Variants in MYBPC1 observed in about 807,000 individuals in gnomAD.
MYBPC1 encodes myosin-binding protein C, slow-type.
A neutral mutation model predicts 147.1 loss-of-function variants in MYBPC1; 52 were observed. That is an observed-to-expected ratio of 0.35 (90% CI 0.28 to 0.45). The LOEUF is 0.45. Ranked by LOEUF, MYBPC1 falls within the 20% of genes least tolerant of loss-of-function variation. The pLI, the probability that MYBPC1 is intolerant of heterozygous loss-of-function variation, is 1.00. For synonymous variants in MYBPC1, 477 were observed against 475.9 expected (o/e 1.00, Z -0.03); for missense variants, 1,228 against 1,440.3 (o/e 0.85, Z 2.39).
At position 101,653,299 on chromosome 12, in the gene MYBPC1, C is replaced by T. The variant is rs1490045417; in HGVS notation, c.1767+51C>T. On this transcript the variant is annotated intron_variant, in intron 18 of 31. Coordinates refer to ENST00000361466, the MANE Select transcript of MYBPC1 (RefSeq NM_002465.4). ...ACATGCACACACACATATGCAGACA[C>T]ACTGCCTACCCCACCCCTTGCCCTC... 4 of 1,603,166 alleles carry T rather than the reference C, an allele frequency of 2.5e-6. No individual in the cohort carries two copies. The South Asian group carries it at 4.4e-5, about 18-fold the overall frequency.
At chr12:101,619,922 G>T (rs1243262557) in intron 3 of MYBPC1, among the ~76,000 whole-genome samples, 1 of 152,192 alleles carries the variant, frequency 6.6e-6, no homozygotes, top group East Asian at 1.9e-4. Flanking sequence ...GCCACAGAGA[G>T]TAGATTCTAG....
chr12:101,680,292 A>G (rs1223329698), intron 28 of MYBPC1, 51 bp from the exon 29 acceptor site: 8 of 1,544,824 alleles, frequency 5.2e-6, no homozygotes, highest in Non-Finnish European at 7.1e-6. Context: ...GTCTATTAAT[A>G]TGCCAATTAC....
intron 11 of MYBPC1, among the ~76,000 whole-genome samples, chr12:101,643,338 T>C (rs1019177634): frequency 2.6e-5 from 4 of 152,198 alleles, no homozygotes; most frequent in Non-Finnish European, 5.9e-5. Context: ...TTTTAGTTTA[T>C]GTAGTTCAGC....
rs78379139 is a variant in MYBPC1, at chr12:101,625,134, T to G, written c.104-1738T>G. On this transcript the variant is annotated intron_variant, in intron 3 of 31. Coordinates refer to ENST00000361466, the MANE Select transcript of MYBPC1 (RefSeq NM_002465.4). ...ATCACTGTGATAGAATGTGGGCTTT[T>G]TCAAGGATGAAGACACAAGTCTTAA... Among the ~76,000 whole-genome samples, 152 of 152,198 alleles carry G rather than the reference T, an allele frequency of 1.0e-3. 1 individual carries two copies. The highest frequency in any genetic ancestry group is 3.4e-3 in the African/African-American group (142 of 41,506).
chr12:101,643,740 CT>C (rs887495068), intron 11 of MYBPC1, among the ~76,000 whole-genome samples: 8 of 151,164 alleles, frequency 5.3e-5, no homozygotes, highest in African/African-American at 7.3e-5. Context: ...TCAAAGACAA[CT>C]TTTTTTTTAA....
At chr12:101,686,041 C>T, downstream of MYBPC1, 1 of 156,472 alleles carries the variant, frequency 6.4e-6, no homozygotes, top group Non-Finnish European at 1.4e-5. Context: ...ACGACTGGAT[C>T]TTGAAAACCC....
intron 1 of MYBPC1, among the ~76,000 whole-genome samples, chr12:101,608,999 T>C (rs747128861): frequency 2.6e-5 from 4 of 152,048 alleles, no homozygotes; most frequent in Non-Finnish European, 5.9e-5. Context: ...AAGCGGCTTT[T>C]GTGCAGGGAG....
At chr12:101,635,289 T>A (rs1890765394) in intron 9 of MYBPC1, among the ~76,000 whole-genome samples, 1 of 152,154 alleles carries the variant, frequency 6.6e-6, no homozygotes. Flanking sequence ...AATTATTCCA[T>A]AATATAAATT....
At chr12:101,688,679 G>A (rs747444099), downstream of MYBPC1, among the ~76,000 whole-genome samples, 1 of 140,028 alleles carries the variant, frequency 7.1e-6, no homozygotes, top group Non-Finnish European at 1.6e-5. Flanking sequence ...AGGTACTTGA[G>A]GCTGGGTGTG....
At chr12:101,601,325 T>C (rs1879845685) in intron 1 of MYBPC1, among the ~76,000 whole-genome samples, 1 of 152,220 alleles carries the variant, frequency 6.6e-6, no homozygotes, top group African/African-American at 2.4e-5. Flanking sequence ...GGCTCAGTTT[T>C]AATTTACAAA....
intron 2 of MYBPC1, among the ~76,000 whole-genome samples, chr12:101,616,600 A>G (rs1341504775): frequency 6.6e-6 from 1 of 152,216 alleles, no homozygotes; most frequent in Non-Finnish European, 1.5e-5. Flanking sequence ...CTAAACTAAT[A>G]TGATCCCAAA....
rs1441932648 is a variant in MYBPC1, at chr12:101,659,729, C to G, written c.1825C>G (p.Leu609Val). The change falls in exon 19 of 32, where the codon CTG becomes GTG. Residue 609 changes from leucine (L) to valine (V), a missense_variant. Physicochemically the swap from Leu to Val is conservative, Grantham distance 32 (BLOSUM62 1). This residue lies in a region of MYBPC1 where 1,077 missense variants were observed against 1,314.2 expected (regional missense o/e 0.82). Coordinates refer to ENST00000361466, the MANE Select transcript of MYBPC1 (RefSeq NM_002465.4). ...AGAATCTTACCCTGATAGCAGCACT[C>G]TGGTCATTGATATAGCTGAAAGAGA... ...RTESYPDSST[L>V]VIDIAERDDS... is the part of the protein sequence containing the mutation. The G allele has an allele frequency of 1.9e-6, 3 of 1,614,134 alleles. No homozygotes were observed. The highest frequency in any genetic ancestry group is 2.2e-5 in the East Asian group (1 of 44,878).
chr12:101,608,603 C>T (rs1456456234), intron 1 of MYBPC1, among the ~76,000 whole-genome samples: 1 of 152,346 alleles, frequency 6.6e-6, no homozygotes, highest in Non-Finnish European at 1.5e-5. Context: ...TGCAACACAG[C>T]TAACCTTGTT....
At chr12:101,690,429 A>G (rs1951397084), downstream of MYBPC1, among the ~76,000 whole-genome samples, 1 of 152,208 alleles carries the variant, frequency 6.6e-6, no homozygotes, top group Admixed American at 6.5e-5. Context: ...ATGTCTAAAT[A>G]TAACTTAACC....
At position 101,647,851 on chromosome 12, in the gene MYBPC1, C is replaced by T. The variant is rs76922594; in HGVS notation, c.1091-194C>T. Among the ~76,000 whole-genome samples the T allele has an allele frequency of 2.8e-3, 425 of 152,322 alleles. 1 individual carries two copies. The highest frequency in any genetic ancestry group is 7.8e-3 in the African/African-American group (326 of 41,564). On this transcript the variant is annotated intron_variant, in intron 13 of 31. Transcript: ENST00000361466. Reference sequence around the variant, plus strand: ...ACATTAAGCCAAGATCACGCCACTACACCTCAGCCTGGACAGCAGAGTGAG... The same window carrying T: ...ACATTAAGCCAAGATCACGCCACTATACCTCAGCCTGGACAGCAGAGTGAG...
chr12:101,664,143 C>A (rs2056724), intron 22 of MYBPC1, among the ~76,000 whole-genome samples: 102,753 of 151,944 alleles, frequency 0.68, 35,552 homozygotes, highest in Admixed American at 0.8. Flanking sequence ...GGATATAAAA[C>A]TGTAATCAGT....
At chr12:101,642,732 A>G in intron 11 of MYBPC1, 147 bp downstream of exon 11, 2 of 822,134 alleles carry the variant, frequency 2.4e-6, no homozygotes, top group Non-Finnish European at 3.9e-6. Flanking sequence ...GCTTGTCTAG[A>G]CGGACAGCTC....
intron 1 of MYBPC1, among the ~76,000 whole-genome samples, chr12:101,608,888 G>A (rs753512943): frequency 1.3e-5 from 2 of 152,100 alleles, no homozygotes; most frequent in African/African-American, 2.4e-5. Context: ...CAGCGGGAGG[G>A]GAACCAATGA....
chr12:101,632,931 C>T (rs1367059693), intron 8 of MYBPC1, among the ~76,000 whole-genome samples: 2 of 152,068 alleles, frequency 1.3e-5, no homozygotes, highest in African/African-American at 2.4e-5. Flanking sequence ...GACGGGATTT[C>T]GCCATATTAG....
Sources: gnomAD v4.1 joint callset for allele counts (sites outside exome capture counted in the v4.1 genomes callset) on GRCh38, gnomAD v4.1.1 for gene constraint, gnomAD v4.1.1 regional missense constraint, MANE v1.5 for transcripts, NCBI Gene and HGNC (gene_info 2026-07-23, HGNC 2026-07-21) for gene names.